Variants in EIPR1 observed in about 807,000 individuals in gnomAD.
The protein encoded by EIPR1 is EARP complex and GARP complex interacting protein 1, also known as EARP and GARP complex-interacting protein 1.
Under a neutral mutation model 48.1 loss-of-function variants are expected in EIPR1, and 25 were observed. The observed-to-expected ratio is 0.52, with a 90% CI of 0.38 to 0.73. EIPR1 has a LOEUF of 0.73. Ranked by LOEUF, EIPR1 falls within the 30% of genes least tolerant of loss-of-function variation. EIPR1 has a pLI of 0.00. For synonymous variants in EIPR1, 204 were observed against 201.9 expected (o/e 1.01, Z -0.09); for missense variants, 415 against 506.2 (o/e 0.82, Z 1.73).
intron 3 of EIPR1, among the ~76,000 whole-genome samples, chr2:3,266,749 GA>G (rs1191655073): frequency 6.6e-6 from 1 of 152,232 alleles, no homozygotes; most frequent in African/African-American, 2.4e-5. Flanking sequence ...GCACAAGCAT[GA>G]TGTGCCAATC....
chr2:3,338,761 A>G (rs1400229470), intron 2 of EIPR1, among the ~76,000 whole-genome samples: 1 of 152,256 alleles, frequency 6.6e-6, no homozygotes, highest in Non-Finnish European at 1.5e-5. Context: ...ATAGGATAAC[A>G]TTTTAGCCAC....
chr2:3,270,848 C>T (rs1321283554), intron 3 of EIPR1, among the ~76,000 whole-genome samples: 1 of 152,184 alleles, frequency 6.6e-6, no homozygotes, highest in Non-Finnish European at 1.5e-5. Flanking sequence ...GAAGTTTCTG[C>T]ATCTATTGAC....
intron 5 of EIPR1, among the ~76,000 whole-genome samples, chr2:3,206,910 G>A (rs143035661): frequency 4.6e-5 from 7 of 152,314 alleles, no homozygotes; most frequent in Admixed American, 3.9e-4. Flanking sequence ...GGAGCAGCGC[G>A]TCATGAAAGC....
Position 3,294,761 on chromosome 2 carries a change from C to T in EIPR1, c.260-37306G>A, listed in dbSNP as rs557053477. ...ATCCTCTCTCTATACACATGCCTTC[C>T]ATCCAGCCCATCCTCTCTCTACATA... is the stretch of plus-strand genomic sequence containing the variant. On this transcript the variant is annotated intron_variant, in intron 3 of 8. Transcript: ENST00000382125. Among the ~76,000 whole-genome samples, 47 of 142,244 alleles carry T rather than the reference C, an allele frequency of 3.3e-4. 1 individual carries two copies. The South Asian group carries it at 0.011, about 34-fold the overall frequency. 93.3% of individuals were successfully genotyped at this position (142,244 alleles called of 152,430 possible). A position where few individuals can be genotyped will look rare whatever the true frequency, so the allele number is the denominator to read the frequency against.
At chr2:3,313,047 T>C (rs970941078) in intron 3 of EIPR1, among the ~76,000 whole-genome samples, 1 of 152,166 alleles carries the variant, frequency 6.6e-6, no homozygotes, top group Non-Finnish European at 1.5e-5. Flanking sequence ...ACAAGAAAGG[T>C]ACAGGACGTA....
intron 3 of EIPR1, among the ~76,000 whole-genome samples, chr2:3,315,172 C>CTACCATCCCCATCCACAG (rs1669253652): frequency 3.6e-4 from 1 of 2,784 alleles, no homozygotes; most frequent in African/African-American, 6.1e-4. Context: ...ATCATCACCA[C>CTACCATCCCCATCCACAG]CCCCTACCAC....
intron 5 of EIPR1, among the ~76,000 whole-genome samples, chr2:3,206,568 T>TTG (rs1665244181): frequency 6.6e-6 from 1 of 152,210 alleles, no homozygotes; most frequent in South Asian, 2.1e-4. Context: ...TTTAGTTTAT[T>TTG]TCTAAAAGGA....
At position 3,374,279 on chromosome 2, in the gene EIPR1, G is replaced by A. The variant is rs1433878133; in HGVS notation, c.42+3369C>T. On this transcript the variant is annotated intron_variant, in intron 1 of 8. Coordinates refer to ENST00000382125, the MANE Select transcript of EIPR1 (RefSeq NM_003310.5). ...TAGACCTAAAACCATAAGAACCCTA[G>A]AAGAAAACCTAGGCATTACCATTCA... Among the ~76,000 whole-genome samples the A allele has an allele frequency of 2.0e-5, 3 of 152,096 alleles. No individual in the cohort carries two copies. In the South Asian group the frequency reaches 6.2e-4, roughly 32 times the overall value.
At chr2:3,279,058 T>C (rs1350857944) in intron 3 of EIPR1, among the ~76,000 whole-genome samples, 2 of 152,206 alleles carry the variant, frequency 1.3e-5, no homozygotes, top group African/African-American at 4.8e-5. Context: ...TCGACACCCA[T>C]GTTCTCACTA....
At chr2:3,348,593 T>C (rs1670473929) in intron 2 of EIPR1, among the ~76,000 whole-genome samples, 1 of 152,234 alleles carries the variant, frequency 6.6e-6, no homozygotes, top group Non-Finnish European at 1.5e-5. Flanking sequence ...GACAGAGTCC[T>C]GTCCCACAGG....
chr2:3,294,855 C>T (rs1668492856), intron 3 of EIPR1, among the ~76,000 whole-genome samples: 1 of 145,022 alleles, frequency 6.9e-6, no homozygotes, highest in Admixed American at 6.8e-5. Context: ...TCCACATACC[C>T]TCCATCCAGC....
intron 2 of EIPR1, among the ~76,000 whole-genome samples, chr2:3,339,570 T>C (rs1670168349): frequency 6.6e-6 from 1 of 152,150 alleles, no homozygotes; most frequent in African/African-American, 2.4e-5. Flanking sequence ...TCATGGGGGA[T>C]GGGCCTTCAG....
chr2:3,261,102 G>A (rs1247760301), intron 3 of EIPR1, among the ~76,000 whole-genome samples: 1 of 152,118 alleles, frequency 6.6e-6, no homozygotes, highest in Non-Finnish European at 1.5e-5. Flanking sequence ...AGTAAATGTG[G>A]TCGGGTGACG....
intron 3 of EIPR1, among the ~76,000 whole-genome samples, chr2:3,258,852 C>T (rs1667242659): frequency 6.6e-6 from 1 of 152,128 alleles, no homozygotes; most frequent in African/African-American, 2.4e-5. Flanking sequence ...ATCATATATT[C>T]ATATAATGTT....
chr2:3,371,197 T>A (rs6708606), intron 1 of EIPR1, among the ~76,000 whole-genome samples: 33,651 of 152,028 alleles, frequency 0.22, 4,645 homozygotes, highest in East Asian at 0.42. Context: ...CTGAGAGGTT[T>A]TGCCACCACC....
intron 4 of EIPR1, among the ~76,000 whole-genome samples, chr2:3,234,329 T>G (rs1271269193): frequency 3.9e-5 from 6 of 152,216 alleles, no homozygotes; most frequent in Admixed American, 3.9e-4. Flanking sequence ...TTTAAACATG[T>G]CTGACTGAAC....
intron 1 of EIPR1, among the ~76,000 whole-genome samples, chr2:3,371,878 G>A (rs150934368): frequency 0.017 from 2,555 of 152,180 alleles, 74 homozygotes; most frequent in African/African-American, 0.058. Context: ...TGCACCAAGC[G>A]GACCTAATAG....
chr2:3,286,666 C>T lies in EIPR1; in HGVS notation c.260-29211G>A, dbSNP rs1313270626. Among the ~76,000 whole-genome samples, 2 of 152,244 alleles carry T rather than the reference C, an allele frequency of 1.3e-5. No individual in the cohort carries two copies. The highest frequency in any genetic ancestry group is 1.9e-4 in the East Asian group (1 of 5,196). On this transcript the variant is annotated intron_variant, in intron 3 of 8. Coordinates refer to ENST00000382125, the MANE Select transcript of EIPR1 (RefSeq NM_003310.5). This position sits in a 1 kb window ranked among gnomAD's most constrained non-coding sequence, Gnocchi z 4.2. ...GTGCCCCGCAGAGCACCCGAGACAG[C>T]GGCTGGCAGAGCACAGGCAGCAATG...
intron 3 of EIPR1, among the ~76,000 whole-genome samples, chr2:3,326,215 A>G (rs562167254): frequency 6.6e-6 from 1 of 152,186 alleles, no homozygotes; most frequent in African/African-American, 2.4e-5. Context: ...CAACTCTGAG[A>G]CAAACCTGTT....
Sources: allele counts gnomAD v4.1 joint callset (sites outside exome capture counted in the v4.1 genomes callset), GRCh38; gene constraint gnomAD v4.1.1; non-coding constraint Gnocchi (gnomAD v3.1); transcripts MANE v1.5; gene names NCBI Gene and HGNC (gene_info 2026-07-23, HGNC 2026-07-21).